ZC3HAV1: variants seen among roughly 807,000 people sequenced by gnomAD.
ZC3HAV1 encodes the protein zinc finger CCCH-type containing, antiviral 1.
Under a neutral mutation model 86.6 loss-of-function variants are expected in ZC3HAV1, and 41 were observed. The ratio of observed to expected loss-of-function variants is 0.47; its 90% confidence interval spans 0.37 to 0.61. The LOEUF (loss-of-function observed/expected upper bound fraction) is 0.61. Ranked by LOEUF, ZC3HAV1 falls within the 20% of genes least tolerant of loss-of-function variation. ZC3HAV1 has a pLI of 0.00. For synonymous variants in ZC3HAV1, 421 were observed against 432.1 expected (o/e 0.97, Z 0.32); for missense variants, 964 against 1,141.1 (o/e 0.84, Z 2.24).
Position 139,078,641 on chromosome 7 carries a change from T to A in ZC3HAV1, c.1484A>T (p.Asp495Val). ...CCTAGAAGATGTGGTACTTGTGACA[T>A]CAGATAAAGAATCTATGAAACAAAA... Reference protein sequence around the residue: ...RVALVNDSLSDVTSTTSSRVD... With the variant: ...RVALVNDSLSVVTSTTSSRVD... The change falls in exon 5 of 13, where the codon GAT (aspartate) becomes GTT (valine). Residue 495 changes from aspartate to valine, a missense_variant. Physicochemically the swap from Asp to Val is radical, Grantham distance 152. Transcript: ENST00000242351. The A allele has an allele frequency of 1.9e-6, 3 of 1,569,782 alleles. No individual in the cohort carries two copies. The highest frequency in any genetic ancestry group is 4.4e-5 in the Admixed American group (2 of 45,604).
At chr7:139,054,451 T>C (rs1816224198) in intron 10 of ZC3HAV1, among the ~76,000 whole-genome samples, 1 of 152,230 alleles carries the variant, frequency 6.6e-6, no homozygotes, top group African/African-American at 2.4e-5. Flanking sequence ...GAAGCCAGCA[T>C]GGGGAGGCTA....
At chr7:139,063,879 G>A (rs1429268708) in intron 8 of ZC3HAV1, among the ~76,000 whole-genome samples, 1 of 152,032 alleles carries the variant, frequency 6.6e-6, no homozygotes, top group African/African-American at 2.4e-5. Flanking sequence ...CCACTGCACT[G>A]GTACAGACTG....
At chr7:139,058,842 T>C (rs1330165288) in intron 9 of ZC3HAV1, among the ~76,000 whole-genome samples, 1 of 152,124 alleles carries the variant, frequency 6.6e-6, no homozygotes, top group Non-Finnish European at 1.5e-5. Flanking sequence ...AAGCAATTTT[T>C]TCCCCTAGAA....
chr7:139,096,268 C>T (rs1355365893), intron 1 of ZC3HAV1, among the ~76,000 whole-genome samples: 1 of 152,166 alleles, frequency 6.6e-6, no homozygotes, highest in Non-Finnish European at 1.5e-5. Context: ...CCCGTCTCAG[C>T]CTCCCAAAGT....
intron 7 of ZC3HAV1, among the ~76,000 whole-genome samples, chr7:139,072,913 T>C (rs141934015): frequency 1.1e-3 from 162 of 152,324 alleles, no homozygotes; most frequent in Non-Finnish European, 2.0e-3. Flanking sequence ...TGTTTATACA[T>C]AGAAAGCTAT....
intron 2 of ZC3HAV1, among the ~76,000 whole-genome samples, chr7:139,088,031 CAAAA>C (rs10544425): frequency 0.013 from 751 of 57,842 alleles, 4 homozygotes; most frequent in African/African-American, 0.041. Context: ...GATCCTGTCT[CAAAA>C]AAAAAAAAAA....
chr7:139,074,429 T>C (rs1038654721), intron 6 of ZC3HAV1, among the ~76,000 whole-genome samples: 13 of 152,200 alleles, frequency 8.5e-5, no homozygotes, highest in Non-Finnish European at 1.9e-4. Context: ...TAAAGTGATT[T>C]TCATAATAAC....
chr7:139,102,866 G>A (rs932149700), intron 1 of ZC3HAV1, among the ~76,000 whole-genome samples: 1 of 150,958 alleles, frequency 6.6e-6, no homozygotes, highest in African/African-American at 2.4e-5. Flanking sequence ...GCTGCAGTGA[G>A]CCATATTTGC....
chr7:139,087,385 G>T (rs998628867), intron 2 of ZC3HAV1, among the ~76,000 whole-genome samples: 1 of 150,568 alleles, frequency 6.6e-6, no homozygotes, highest in Non-Finnish European at 1.5e-5. Context: ...GAGAAAGAGG[G>T]AGAGAGAGAG....
At chr7:139,047,941 TG>T (rs1225875552) in intron 12 of ZC3HAV1, 88 bp from the exon 13 acceptor site, 1 of 1,351,762 alleles carries the variant, frequency 7.4e-7, no homozygotes, top group East Asian at 2.5e-5. Context: ...CAGATGGGTG[TG>T]GACTAAGCAT....
At chr7:139,063,486 T>C (rs1329871706) in intron 8 of ZC3HAV1, among the ~76,000 whole-genome samples, 7 of 151,322 alleles carry the variant, frequency 4.6e-5, no homozygotes, top group Admixed American at 4.6e-4. Context: ...TTTTGGGAGG[T>C]TGAGGTGGGA....
intron 8 of ZC3HAV1, among the ~76,000 whole-genome samples, chr7:139,063,678 G>A (rs1816511804): frequency 6.7e-6 from 1 of 148,842 alleles, no homozygotes; most frequent in Non-Finnish European, 1.5e-5. Flanking sequence ...GAGCCGTGAT[G>A]GCATCACCGC....
At chr7:139,067,561 A>AGG (rs1816641549) in intron 7 of ZC3HAV1, among the ~76,000 whole-genome samples, 1 of 152,204 alleles carries the variant, frequency 6.6e-6, no homozygotes, top group Non-Finnish European at 1.5e-5. Context: ...TCAGAAGGAT[A>AGG]GGGCAGGTTG....
At chr7:139,049,456 T>G (rs1816061040) in intron 12 of ZC3HAV1, 1 of 152,360 alleles carries the variant, frequency 6.6e-6, no homozygotes, top group African/African-American at 2.4e-5. Context: ...TACGCTGAAT[T>G]TATTCCCGTG....
At chr7:139,076,968 G>A (rs952348025) in intron 5 of ZC3HAV1, among the ~76,000 whole-genome samples, 8 of 150,582 alleles carry the variant, frequency 5.3e-5, no homozygotes, top group Admixed American at 1.3e-4. Flanking sequence ...ATAGAAATTC[G>A]AGGTAACCAG....
intron 1 of ZC3HAV1, among the ~76,000 whole-genome samples, chr7:139,104,759 C>T (rs1817879695): frequency 6.9e-6 from 1 of 145,342 alleles, no homozygotes; most frequent in Non-Finnish European, 1.5e-5. Flanking sequence ...CAAACAAGGC[C>T]GGGAGCGGTG....
At chr7:139,062,273 A>G (rs1214847121) in intron 8 of ZC3HAV1, among the ~76,000 whole-genome samples, 1 of 152,186 alleles carries the variant, frequency 6.6e-6, no homozygotes, top group Non-Finnish European at 1.5e-5. Context: ...ATCATGCCAC[A>G]ACACTGCTCA....
chr7:139,087,384 GGAGA>G (rs377699291), intron 2 of ZC3HAV1, among the ~76,000 whole-genome samples: 156 of 146,374 alleles, frequency 1.1e-3, no homozygotes, highest in Non-Finnish European at 2.0e-3. Context: ...AGAGAAAGAG[GGAGA>G]GAGAGAGAGA....
At chr7:139,097,757 T>TA (rs1024701974) in intron 1 of ZC3HAV1, among the ~76,000 whole-genome samples, 1 of 151,606 alleles carries the variant, frequency 6.6e-6, no homozygotes, top group Non-Finnish European at 1.5e-5. Flanking sequence ...TTTCTTAATG[T>TA]AAAAAAATCT....
Sources: allele counts gnomAD v4.1 joint callset (sites outside exome capture counted in the v4.1 genomes callset), GRCh38; gene constraint gnomAD v4.1.1; transcripts MANE v1.5; gene names NCBI Gene and HGNC (gene_info 2026-07-23, HGNC 2026-07-21).